TTC21B: variants seen among roughly 807,000 people sequenced by gnomAD.
TTC21B encodes the protein tetratricopeptide repeat protein 21B.
A neutral mutation model predicts 175.1 loss-of-function variants in TTC21B; 127 were observed. That is an observed-to-expected ratio of 0.73 (90% CI 0.63 to 0.84). The LOEUF is 0.84. Ranked by LOEUF, TTC21B falls within the 40% of genes least tolerant of loss-of-function variation. The pLI is 0.00. For synonymous variants in TTC21B, 524 were observed against 524.5 expected (o/e 1.00, Z 0.01); for missense variants, 1,561 against 1,558.3 (o/e 1.00, Z -0.03).
rs1268881827 is a variant in TTC21B at position 165,929,170 on chromosome 2, T to C, written c.1351A>G (p.Ile451Val). The C allele has an allele frequency of 3.1e-6, 5 of 1,612,908 alleles. No homozygotes were observed. In the South Asian group the frequency reaches 4.4e-5, roughly 14 times the overall value. The change falls in exon 11 of 29, where the codon ATT (isoleucine) becomes GTT (valine). Residue 451 changes from isoleucine (I) to valine (V), a missense_variant. Transcript: ENST00000243344. The part of the protein sequence containing the change: ...EKLNPDFLLE[I>V]VMEYLSFCPM... ...CAGAAGCTCAGATACTCCATAACAA[T>C]TTCTAACAAGAAATCAGGATTTAGC...
intron 23 of TTC21B, 65 bp from the exon 24 acceptor site, chr2:165,890,705 A>C: frequency 6.4e-7 from 1 of 1,566,292 alleles, no homozygotes; most frequent in Non-Finnish European, 8.8e-7. Flanking sequence ...ATTAGTTTAT[A>C]ATCTGTCTGG....
chr2:165,889,883 G>C (rs1685129346), intron 24 of TTC21B, among the ~76,000 whole-genome samples: 1 of 152,008 alleles, frequency 6.6e-6, no homozygotes. Context: ...TTCCCTTTAT[G>C]TCCTAATACA....
chr2:165,924,072 T>C lies in TTC21B; in HGVS notation c.1516+477A>G, dbSNP rs1343349227. Among the ~76,000 whole-genome samples, 4 of 152,126 alleles carry C rather than the reference T, an allele frequency of 2.6e-5. No individual in the cohort carries two copies. In the South Asian group the frequency reaches 8.3e-4, roughly 32 times the overall value. ...CCAGCCATGATGGTCTATTTTTATGTGTAAAGTCAGGCATTTGTCTGTGCC... is the reference window on the plus strand; with the variant it reads ...CCAGCCATGATGGTCTATTTTTATGCGTAAAGTCAGGCATTTGTCTGTGCC... On this transcript the variant is annotated intron_variant, in intron 12 of 28. Coordinates refer to ENST00000243344, the MANE Select transcript of TTC21B (RefSeq NM_024753.5).
intron 22 of TTC21B, among the ~76,000 whole-genome samples, chr2:165,897,731 G>A (rs949343871): frequency 5.3e-5 from 8 of 152,170 alleles, no homozygotes; most frequent in African/African-American, 1.4e-4. Flanking sequence ...TTCAGGAACT[G>A]AAGCTACGAG....
At chr2:165,921,398 T>C (rs4667500) in intron 12 of TTC21B, among the ~76,000 whole-genome samples, 151,761 of 152,254 alleles carry the variant, frequency 1, 75,636 homozygotes, top group Middle Eastern at 1. Context: ...GAGAGGGCAA[T>C]GGAAGCTTTA....
intron 1 of TTC21B, among the ~76,000 whole-genome samples, chr2:165,951,549 T>A (rs7574363): frequency 0.042 from 6,366 of 152,252 alleles, 441 homozygotes; most frequent in African/African-American, 0.15. Flanking sequence ...CCTCCCTTCC[T>A]ATTTGCCCAG....
intron 6 of TTC21B, among the ~76,000 whole-genome samples, chr2:165,933,586 T>A (rs965186983): frequency 6.6e-6 from 1 of 152,204 alleles, no homozygotes; most frequent in Non-Finnish European, 1.5e-5. Context: ...AAAATTCCTA[T>A]GAAACTGTAC....
intron 22 of TTC21B, among the ~76,000 whole-genome samples, chr2:165,898,427 A>G (rs1294871657): frequency 6.6e-6 from 1 of 152,184 alleles, no homozygotes; most frequent in African/African-American, 2.4e-5. Flanking sequence ...AAAGTGGGAA[A>G]AGTAGTTCGA....
chr2:165,873,857 C>T lies in TTC21B; in HGVS notation c.*898G>A, dbSNP rs1684583466. On this transcript the variant is annotated 3_prime_UTR_variant, in exon 29 of 29. Coordinates refer to ENST00000243344, the MANE Select transcript of TTC21B (RefSeq NM_024753.5). ...AGTTACATTTTCTGTACTATACCACCACCCATTAACATTACAGAATGCAGG... is the reference window on the plus strand; with the variant it reads ...AGTTACATTTTCTGTACTATACCACTACCCATTAACATTACAGAATGCAGG... 6.6e-6 allele frequency: 1 copy of T among 152,108 alleles called. No homozygotes were observed. The highest frequency in any genetic ancestry group is 2.4e-5 in the African/African-American group (1 of 41,408). The allele number at this position is 152,108 out of a possible 1,614,324, so 9.4% of individuals were successfully genotyped here.
At chr2:165,949,526 T>C (rs1008759815) in intron 2 of TTC21B, 22 bp from the exon 3 acceptor site, 18 of 1,613,378 alleles carry the variant, frequency 1.1e-5, no homozygotes, top group Admixed American at 5.0e-5. Context: ...GATTATGATA[T>C]GAAAAACTGT....
chr2:165,884,055 A>T, intron 25 of TTC21B, 37 bp from the exon 26 acceptor site: 1 of 1,540,516 alleles, frequency 6.5e-7, no homozygotes, highest in Non-Finnish European at 9.0e-7. Context: ...TAAGATGCAT[A>T]AACATAAATG....
chr2:165,905,197 C>G (rs1685687217), intron 19 of TTC21B, among the ~76,000 whole-genome samples: 1 of 151,682 alleles, frequency 6.6e-6, no homozygotes, highest in Non-Finnish European at 1.5e-5. Flanking sequence ...TGTGTTGTAG[C>G]TAACACCGAA....
chr2:165,891,101 A>G, intron 22 of TTC21B, 113 bp from the exon 23 acceptor site: 1 of 943,878 alleles, frequency 1.1e-6, no homozygotes, highest in South Asian at 1.6e-5. Context: ...CATTTTAAAT[A>G]TAAATAAAAA....
intron 27 of TTC21B, among the ~76,000 whole-genome samples, chr2:165,878,104 A>T (rs796917893): frequency 2.4e-4 from 36 of 152,326 alleles, no homozygotes; most frequent in African/African-American, 8.4e-4. Flanking sequence ...GTATAATTTT[A>T]AAAATCATAT....
At chr2:165,933,871 GT>G (rs1687005848) in intron 6 of TTC21B, 1 of 152,126 alleles carries the variant, frequency 6.6e-6, no homozygotes. Flanking sequence ...ACTTCTGCTT[GT>G]TCTCTGGCAC....
intron 6 of TTC21B, among the ~76,000 whole-genome samples, chr2:165,937,302 C>A (rs139533617): frequency 1.3e-5 from 2 of 151,916 alleles, no homozygotes; most frequent in Non-Finnish European, 2.9e-5. Flanking sequence ...GGATATATAG[C>A]GGATACACAA....
chr2:165,918,272 T>C (rs1450157737), intron 13 of TTC21B, among the ~76,000 whole-genome samples: 1 of 152,144 alleles, frequency 6.6e-6, no homozygotes, highest in Non-Finnish European at 1.5e-5. Context: ...TGAAAACCAC[T>C]ATCATAAGAA....
rs776376597 is a variant in TTC21B at position 165,901,797 on chromosome 2, A to C, written c.2682T>G (p.Ser894=). The C allele has an allele frequency of 1.2e-5, 19 of 1,614,170 alleles. No individual in the cohort carries two copies. The highest frequency in any genetic ancestry group is 9.3e-5 in the African/African-American group (7 of 75,054). The change falls in exon 20 of 29, where the codon TCT becomes TCG. Residue 894 remains serine (S), a synonymous_variant. Transcript: ENST00000243344. ...AEICAEIAKH[S]VAQRDYEKAI... ...CTTTTTCATAGTCTCGCTGAGCAAC[A>C]GAATGTTTTGCAATCTCTGCACAAA...
intron 22 of TTC21B, among the ~76,000 whole-genome samples, chr2:165,896,860 G>A (rs564754263): frequency 2.0e-5 from 3 of 152,284 alleles, no homozygotes; most frequent in Non-Finnish European, 2.9e-5. Flanking sequence ...TTGCAGCCAC[G>A]GAGGTGATAC....
Sources: gnomAD v4.1 joint callset for allele counts (sites outside exome capture counted in the v4.1 genomes callset) on GRCh38, gnomAD v4.1.1 for gene constraint, MANE v1.5 for transcripts, NCBI Gene and HGNC (gene_info 2026-07-23, HGNC 2026-07-21) for gene names.